Variants in VOPP1 observed in about 807,000 individuals in gnomAD.
The protein encoded by VOPP1 is WW domain binding protein VOPP1.
In VOPP1, 8 loss-of-function variants were observed where a neutral mutation model predicts 23.5. The observed-to-expected ratio is 0.34, with a 90% CI of 0.20 to 0.61. The LOEUF (loss-of-function observed/expected upper bound fraction) is 0.61. Ranked by LOEUF, VOPP1 falls within the 20% of genes least tolerant of loss-of-function variation. The probability of loss-of-function intolerance (pLI) is 0.78; values close to 1 mark genes in which losing one functional copy is unlikely to be tolerated. For synonymous variants in VOPP1, 83 were observed against 97.3 expected, an observed-to-expected ratio of 0.85 and a Z score of 0.86; for missense variants, 174 against 238.1, an observed-to-expected ratio of 0.73 and a Z score of 1.77.
chr7:55,572,101 C>G (rs1403703521), intron 1 of VOPP1, among the ~76,000 whole-genome samples, 170 bp downstream of exon 1: 1 of 151,960 alleles, frequency 6.6e-6, no homozygotes, highest in Admixed American at 6.5e-5. Context: ...TCCCCGTCAC[C>G]AGGGTCCCGC....
intron 4 of VOPP1, among the ~76,000 whole-genome samples, chr7:55,459,084 T>C (rs944895994): frequency 1.3e-5 from 2 of 151,042 alleles, no homozygotes; most frequent in African/African-American, 4.9e-5. Flanking sequence ...TTTTTTTTTA[T>C]CATGAAGGGA....
intron 1 of VOPP1, chr7:55,562,166 G>A: frequency 2.9e-6 from 2 of 687,906 alleles, no homozygotes; most frequent in Non-Finnish European, 5.3e-6. Flanking sequence ...TGTAGATACT[G>A]AAAGCTTTCC....
At chr7:55,499,726 T>C (rs1316154590) in intron 2 of VOPP1, among the ~76,000 whole-genome samples, 1 of 152,132 alleles carries the variant, frequency 6.6e-6, no homozygotes, top group East Asian at 1.9e-4. Flanking sequence ...TGAGGGAAGC[T>C]GACACAGGGT....
At chr7:55,533,109 G>C (rs1796588663) in intron 1 of VOPP1, among the ~76,000 whole-genome samples, 2 of 152,174 alleles carry the variant, frequency 1.3e-5, no homozygotes, top group South Asian at 2.1e-4. Flanking sequence ...TGCCAGGAAG[G>C]TGATTTTGAT....
intron 1 of VOPP1, among the ~76,000 whole-genome samples, chr7:55,525,842 GGA>G (rs1796162290): frequency 6.9e-6 from 1 of 144,752 alleles, no homozygotes; most frequent in Non-Finnish European, 1.5e-5. Flanking sequence ...AAACTAAGGG[GGA>G]AAAAAGTGAA....
At chr7:55,525,285 C>G (rs1796107771) in intron 1 of VOPP1, among the ~76,000 whole-genome samples, 1 of 151,922 alleles carries the variant, frequency 6.6e-6, no homozygotes, top group Non-Finnish European at 1.5e-5. Flanking sequence ...GTCAGGAGAT[C>G]GAGACTATCC....
At chr7:55,468,715 C>A (rs1791698880), downstream of VOPP1, among the ~76,000 whole-genome samples, 1 of 152,204 alleles carries the variant, frequency 6.6e-6, no homozygotes, top group South Asian at 2.1e-4. Context: ...TGGGACCCCA[C>A]AGGAGTGGCT....
chr7:55,490,706 C>T (rs149557601), intron 4 of VOPP1, among the ~76,000 whole-genome samples: 1,771 of 152,302 alleles, frequency 0.012, 12 homozygotes, highest in Middle Eastern at 0.02. Flanking sequence ...GCACTTTACC[C>T]TATGATGCAG....
At chr7:55,539,212 G>A (rs1469464739) in intron 1 of VOPP1, among the ~76,000 whole-genome samples, 4 of 152,120 alleles carry the variant, frequency 2.6e-5, no homozygotes, top group African/African-American at 7.2e-5. Context: ...GGGCATGGTG[G>A]CACACGTCTG....
intron 1 of VOPP1, among the ~76,000 whole-genome samples, chr7:55,541,381 A>G (rs552565229): frequency 6.6e-6 from 1 of 152,378 alleles, no homozygotes; most frequent in East Asian, 1.9e-4. Context: ...AACATTAGTC[A>G]TTAGGGAATT....
At chr7:55,572,058 G>A (rs1267112062) in intron 1 of VOPP1, among the ~76,000 whole-genome samples, 2 of 152,142 alleles carry the variant, frequency 1.3e-5, no homozygotes, top group Non-Finnish European at 2.9e-5. Flanking sequence ...AAAACCGAAG[G>A]AACGACGGAA....
chr7:55,475,651 G>A (rs1444952101), intron 4 of VOPP1, among the ~76,000 whole-genome samples: 1 of 152,386 alleles, frequency 6.6e-6, no homozygotes, highest in East Asian at 1.9e-4. Flanking sequence ...TACACAGGGT[G>A]TGCCCTGGGA....
At chr7:55,492,595 G>A (rs1793663722) in intron 3 of VOPP1, among the ~76,000 whole-genome samples, 177 bp from the exon 4 acceptor site, 2 of 152,158 alleles carry the variant, frequency 1.3e-5, no homozygotes, top group Non-Finnish European at 2.9e-5. Context: ...GGTCCTCTTG[G>A]GCCCATTTTA....
intron 1 of VOPP1, among the ~76,000 whole-genome samples, chr7:55,550,242 T>TAGGTGCCGCAGTCTGGC (rs1250369657): frequency 6.6e-6 from 1 of 152,188 alleles, no homozygotes; most frequent in Non-Finnish European, 1.5e-5. Context: ...CAGCAGCCAC[T>TAGGTGCCGCAGTCTGGC]AGGTGCCGCA....
At chr7:55,553,951 G>A (rs1797715642) in intron 1 of VOPP1, 1 of 152,366 alleles carries the variant, frequency 6.6e-6, no homozygotes, top group South Asian at 2.1e-4. Flanking sequence ...AGACCATGCT[G>A]AGGAAGGCAT....
chr7:55,480,239 G>A (rs1330041657), intron 4 of VOPP1, among the ~76,000 whole-genome samples: 1 of 152,218 alleles, frequency 6.6e-6, no homozygotes, highest in African/African-American at 2.4e-5. Flanking sequence ...CATTCTGGGA[G>A]ATAATTCTTT....
chr7:55,443,508 C>T (rs185792914), intron 4 of VOPP1, among the ~76,000 whole-genome samples: 338 of 152,240 alleles, frequency 2.2e-3, no homozygotes, highest in African/African-American at 7.6e-3. Flanking sequence ...GAGCCAAGAT[C>T]ACGCCACTGC....
chr7:55,490,872 A>T (rs755730373), intron 4 of VOPP1, among the ~76,000 whole-genome samples: 3 of 152,262 alleles, frequency 2.0e-5, no homozygotes, highest in Non-Finnish European at 4.4e-5. Context: ...TTTTTAAAAT[A>T]AAGAAAATTC....
chr7:55,445,851 C>G (rs551156887), intron 4 of VOPP1, among the ~76,000 whole-genome samples: 1 of 152,178 alleles, frequency 6.6e-6, no homozygotes, highest in Admixed American at 6.5e-5. Flanking sequence ...TTAAGTTCAT[C>G]GGCCTTACTA....
Sources: allele counts gnomAD v4.1 joint callset (sites outside exome capture counted in the v4.1 genomes callset), GRCh38; gene constraint gnomAD v4.1.1; transcripts MANE v1.5; gene names NCBI Gene and HGNC (gene_info 2026-07-23, HGNC 2026-07-21).